Variants in HERC1 observed in about 807,000 individuals in gnomAD.
The protein encoded by HERC1 is HECT and RLD domain containing E3 ubiquitin protein ligase family member 1.
A neutral mutation model predicts 554.3 loss-of-function variants in HERC1; 160 were observed. That is an observed-to-expected ratio of 0.29 (90% CI 0.25 to 0.33). The LOEUF (loss-of-function observed/expected upper bound fraction) is 0.33. Ranked by LOEUF, HERC1 falls within the 10% of genes least tolerant of loss-of-function variation. HERC1 has a pLI of 1.00. For missense variants in HERC1, 4,919 were observed against 5,918.5 expected, an observed-to-expected ratio of 0.83 and a Z score of 5.54; for synonymous variants, 2,175 against 2,131.7, an observed-to-expected ratio of 1.02 and a Z score of -0.56.
intron 48 of HERC1, among the ~76,000 whole-genome samples, 165 bp from the exon 49 acceptor site, chr15:63,656,523 A>C (rs2070046869): frequency 6.6e-6 from 1 of 152,268 alleles, no homozygotes; most frequent in Non-Finnish European, 1.5e-5. Context: ...ATCAAGCTGG[A>C]AACTGGCATC....
intron 52 of HERC1, 47 bp from the exon 53 acceptor site, chr15:63,651,427 A>T: frequency 1.3e-6 from 2 of 1,563,354 alleles, no homozygotes; most frequent in Non-Finnish European, 1.7e-6. Context: ...CATCATTCAA[A>T]AGTAAATTAA....
intron 51 of HERC1, 94 bp downstream of exon 51, chr15:63,654,025 A>G: frequency 1.1e-6 from 1 of 924,942 alleles, no homozygotes; most frequent in South Asian, 1.5e-5. Flanking sequence ...AGTGACACAA[A>G]GAGAGAGACC....
At chr15:63,788,874 C>CAA (rs1161447448) in intron 1 of HERC1, among the ~76,000 whole-genome samples, 1,202 of 67,292 alleles carry the variant, frequency 0.018, 27 homozygotes, top group African/African-American at 0.055. Context: ...GACTCCGTCT[C>CAA]AAAAAAAAAA....
chr15:63,669,515 A>G (rs1254731252), intron 40 of HERC1, 23 bp downstream of exon 40: 1 of 1,610,156 alleles, frequency 6.2e-7, no homozygotes, highest in African/African-American at 1.3e-5. Context: ...TTTGGATATC[A>G]TAGTGCATAT....
chr15:63,657,609 C>T (rs4984307), intron 48 of HERC1, among the ~76,000 whole-genome samples: 68,530 of 151,954 alleles, frequency 0.45, 16,541 homozygotes, highest in Non-Finnish European at 0.54. Context: ...ATCACTTTTG[C>T]TAAACAGAGG....
rs1267374362 is a variant in HERC1 at position 63,698,828 on chromosome 15, T to A, written c.4805A>T (p.Asp1602Val). 4 of 1,613,748 alleles carry A rather than the reference T, an allele frequency of 2.5e-6. No individual in the cohort carries two copies. Among genetic ancestry groups the A allele is most frequent in the Non-Finnish European group, 3.4e-6 (4 of 1,179,822 alleles). ...IENVVSFVSG[D>V]VGNAPGFKEP... ...TTTAAAACCTGGGGCATTCCCCACA[T>A]CTCCACTCACAAAGCTTACAACATT... The change falls in exon 26 of 78, where the codon GAT becomes GTT. Residue 1602 changes from aspartate to valine, a missense_variant. Transcript: ENST00000443617.
chr15:63,675,115 A>G lies in HERC1; in HGVS notation c.7073T>C (p.Phe2358Ser). ...QWDEAEITISFPTFWSPSDTP... is the reference protein window; with the variant it reads ...QWDEAEITISSPTFWSPSDTP... ...ATCACTAGGCGACCAAAAAGTTGGG[A>G]AGCTTTAATAAAGATCAGAATGACA... is the stretch of plus-strand genomic sequence containing the variant. The change falls in exon 38 of 78, where the codon TTC becomes TCC. Residue 2358 changes from phenylalanine to serine, a missense_variant and splice_region_variant. Physicochemically the swap from Phe to Ser is radical, Grantham distance 155 (BLOSUM62 -2). Around this residue, in one of 11 missense-constraint regions of HERC1, gnomAD observed 1,963 missense variants for 2,228.6 expected, o/e 0.88. Coordinates refer to ENST00000443617, the MANE Select transcript of HERC1 (RefSeq NM_003922.4). The G allele has an allele frequency of 6.3e-7, 1 of 1,578,492 alleles. No homozygotes were observed. The highest frequency in any genetic ancestry group is 8.6e-7 in the Non-Finnish European group (1 of 1,161,002).
At chr15:63,782,021 G>A (rs1303780594) in intron 1 of HERC1, among the ~76,000 whole-genome samples, 4 of 152,136 alleles carry the variant, frequency 2.6e-5, no homozygotes, top group Non-Finnish European at 5.9e-5. Flanking sequence ...TTTGAAGCTA[G>A]CAGAGGTTCA....
chr15:63,813,469 G>A lies in HERC1; in HGVS notation c.-27+20358C>T, dbSNP rs569896015. 1.3e-3 allele frequency among the ~76,000 whole-genome samples: 201 copies of A among 151,792 alleles called. 1 individual carries two copies. The highest frequency in any genetic ancestry group is 4.6e-3 in the African/African-American group (189 of 41,408). On this transcript the variant is annotated intron_variant, in intron 1 of 77. Transcript: ENST00000443617. ...CTTATCTTTTAATCTAGGATAGTGC[G>A]AAAGGGTTTTTTTTTAATATCAACC... is the stretch of plus-strand genomic sequence containing the variant.
At chr15:63,811,093 G>GT (rs1295907784) in intron 1 of HERC1, among the ~76,000 whole-genome samples, 1 of 152,108 alleles carries the variant, frequency 6.6e-6, no homozygotes, top group African/African-American at 2.4e-5. Flanking sequence ...ATATATGAAT[G>GT]TGATTGGATC....
chr15:63,648,985 T>C (rs2069505052), intron 54 of HERC1, among the ~76,000 whole-genome samples: 1 of 152,222 alleles, frequency 6.6e-6, no homozygotes, highest in African/African-American at 2.4e-5. Flanking sequence ...GCAGACTTCC[T>C]AATCTCTCTT....
intron 1 of HERC1, among the ~76,000 whole-genome samples, chr15:63,804,679 A>C (rs2077087459): frequency 6.6e-6 from 1 of 152,174 alleles, no homozygotes; most frequent in East Asian, 1.9e-4. Context: ...CCCAAGATGA[A>C]AGAAACTATT....
chr15:63,775,543 A>G lies in HERC1; in HGVS notation c.81T>C (p.Ser27=), dbSNP rs1340899936. 1 of 1,613,966 alleles carries G rather than the reference A, an allele frequency of 6.2e-7. No individual in the cohort carries two copies. The highest frequency in any genetic ancestry group is 8.5e-7 in the Non-Finnish European group (1 of 1,179,830). The change falls in exon 2 of 78, where the codon TCT becomes TCC. Residue 27 remains serine (S), a synonymous_variant. Transcript: ENST00000443617. This position sits in a 1 kb window ranked among gnomAD's most constrained non-coding sequence, Gnocchi z 4.0. ...CAGCAACTCCCTCTCTTGTAGCAAT[A>G]GATTCACTGTCCTCTGTAATCCAGG... The part of the protein sequence containing the change: ...NSSWITEDSE[S]IATREGVAVL...
At position 63,664,442 on chromosome 15, in the gene HERC1, A is replaced by G. The variant is rs768741198; in HGVS notation, c.8680+28T>C. ...TGCTTTCAAAATAAGATCTTTCACA[A>G]AGAAAAGGATACGGAACATAAAATT... On this transcript the variant is annotated intron_variant, in intron 43 of 77. Coordinates refer to ENST00000443617, the MANE Select transcript of HERC1 (RefSeq NM_003922.4). The G allele has an allele frequency of 1.1e-5, 18 of 1,583,832 alleles. No individual in the cohort carries two copies. The South Asian group carries it at 2.1e-4, about 18-fold the overall frequency.
At chr15:63,610,622 T>C (rs1031578117) in intron 77 of HERC1, among the ~76,000 whole-genome samples, 1 of 152,244 alleles carries the variant, frequency 6.6e-6, no homozygotes, top group African/African-American at 2.4e-5. Context: ...AAGGCTCTTT[T>C]ATAATCCTTC....
At chr15:63,673,751 G>T (rs1252175919) in intron 38 of HERC1, among the ~76,000 whole-genome samples, 2 of 152,164 alleles carry the variant, frequency 1.3e-5, no homozygotes, top group Non-Finnish European at 2.9e-5. Flanking sequence ...TTGAGACAGA[G>T]TCTCGCTCAG....
chr15:63,733,666 C>A (rs2074386527), intron 13 of HERC1, among the ~76,000 whole-genome samples: 2 of 150,994 alleles, frequency 1.3e-5, no homozygotes, highest in Non-Finnish European at 1.5e-5. Flanking sequence ...CCAGCCTGGG[C>A]AACATAGCAA....
At chr15:63,712,675 A>T in intron 24 of HERC1, 100 bp downstream of exon 24, 2 of 1,052,930 alleles carry the variant, frequency 1.9e-6, no homozygotes, top group Non-Finnish European at 1.3e-6. Context: ...AAAAATTTTT[A>T]TATGTCTAAA....
At position 63,747,708 on chromosome 15, in the gene HERC1, C is replaced by T. The variant is rs1019786452; in HGVS notation, c.2354+16G>A. On this transcript the variant is annotated intron_variant, in intron 11 of 77. Transcript: ENST00000443617. ...CACACACACACACAAAGATACAAAA[C>T]ATACATATAACATACCTTGATGAAG... 2 of 1,488,486 alleles carry T rather than the reference C, an allele frequency of 1.3e-6. No homozygotes were observed. Among genetic ancestry groups the T allele is most frequent in the African/African-American group, 2.8e-5 (2 of 71,514 alleles). 92.2% of individuals were successfully genotyped at this position (1,488,486 alleles called of 1,614,324 possible).
Sources: allele counts gnomAD v4.1 joint callset (sites outside exome capture counted in the v4.1 genomes callset), GRCh38; gene constraint gnomAD v4.1.1; regional missense constraint gnomAD v4.1.1; non-coding constraint Gnocchi (gnomAD v3.1); transcripts MANE v1.5; gene names NCBI Gene and HGNC (gene_info 2026-07-23, HGNC 2026-07-21).